Variants in EPHA6 observed in about 807,000 individuals in gnomAD.
The protein encoded by EPHA6 is ephrin type-A receptor 6.
EPHA6 carries 50 observed loss-of-function variants against 112.0 expected under a neutral mutation model. That is an observed-to-expected ratio of 0.45 (90% CI 0.36 to 0.56). The LOEUF (loss-of-function observed/expected upper bound fraction) is 0.56. EPHA6 is among the 20% of genes least tolerant of loss of function. EPHA6 has a pLI of 0.00. For missense variants in EPHA6, 1,280 were observed against 1,417.4 expected (o/e 0.90, Z 1.56); for synonymous variants, 529 against 490.7 (o/e 1.08, Z -1.03).
intron 3 of EPHA6, among the ~76,000 whole-genome samples, chr3:97,093,259 G>A (rs1052934878): frequency 2.3e-4 from 35 of 152,010 alleles, no homozygotes; most frequent in African/African-American, 7.7e-4. Flanking sequence ...GATTTAAAAG[G>A]GGAATAAAGC....
intron 14 of EPHA6, among the ~76,000 whole-genome samples, chr3:97,653,060 A>G (rs1397853769): frequency 7.2e-5 from 11 of 151,998 alleles, no homozygotes; most frequent in Non-Finnish European, 1.6e-4. Flanking sequence ...TGGGGCCCCA[A>G]TAATCATACA....
At chr3:97,147,979 C>A (rs2108367955) in intron 3 of EPHA6, among the ~76,000 whole-genome samples, 1 of 152,050 alleles carries the variant, frequency 6.6e-6, no homozygotes, top group Non-Finnish European at 1.5e-5. Context: ...ATATGGGAAA[C>A]TAGGTGAGGG....
intron 15 of EPHA6, among the ~76,000 whole-genome samples, chr3:97,726,413 G>A (rs992566964): frequency 2.0e-5 from 3 of 152,102 alleles, no homozygotes; most frequent in Non-Finnish European, 4.4e-5. Flanking sequence ...AAATAATGTG[G>A]ATTGACTCCC....
intron 5 of EPHA6, among the ~76,000 whole-genome samples, chr3:97,343,690 C>T (rs556547617): frequency 6.6e-6 from 1 of 151,952 alleles, no homozygotes; most frequent in Non-Finnish European, 1.5e-5. Context: ...GAAAGTGAGA[C>T]CAAATGAAGG....
intron 7 of EPHA6, among the ~76,000 whole-genome samples, chr3:97,449,665 A>G (rs938049881): frequency 6.6e-6 from 1 of 152,096 alleles, no homozygotes; most frequent in Admixed American, 6.6e-5. Flanking sequence ...AACCTAAAGG[A>G]GTTGAACAAT....
At chr3:97,217,335 A>T (rs1478967211) in intron 3 of EPHA6, among the ~76,000 whole-genome samples, 1 of 152,228 alleles carries the variant, frequency 6.6e-6, no homozygotes, top group East Asian at 1.9e-4. Flanking sequence ...AACAGATGGT[A>T]AAAAGTATGT....
At chr3:97,618,448 T>C (rs2093784643) in intron 13 of EPHA6, among the ~76,000 whole-genome samples, 1 of 151,348 alleles carries the variant, frequency 6.6e-6, no homozygotes, top group South Asian at 2.1e-4. Flanking sequence ...TACAGAGAAA[T>C]GAAAAACCAT....
chr3:97,038,788 T>C (rs946564511), intron 3 of EPHA6, among the ~76,000 whole-genome samples: 14 of 151,516 alleles, frequency 9.2e-5, no homozygotes, highest in African/African-American at 3.2e-4. Flanking sequence ...AGTGTGGAAA[T>C]TGTGAGTCGG....
chr3:97,729,600 A>G (rs1409432663), intron 15 of EPHA6, among the ~76,000 whole-genome samples: 1 of 152,118 alleles, frequency 6.6e-6, no homozygotes, highest in African/African-American at 2.4e-5. Flanking sequence ...TCGGAGCTAC[A>G]GTACAAGATG....
chr3:97,254,362 G>T (rs937212382), intron 5 of EPHA6, among the ~76,000 whole-genome samples: 1 of 151,990 alleles, frequency 6.6e-6, no homozygotes, highest in Non-Finnish European at 1.5e-5. Flanking sequence ...GTAATTTTTT[G>T]TATTTTTAAT....
intron 7 of EPHA6, among the ~76,000 whole-genome samples, chr3:97,473,325 T>A (rs1262698582): frequency 1.3e-5 from 2 of 150,206 alleles, no homozygotes; most frequent in Non-Finnish European, 3.0e-5. Flanking sequence ...AAGATTGTTA[T>A]CCAATTAAAA....
intron 3 of EPHA6, among the ~76,000 whole-genome samples, chr3:97,008,259 G>T (rs974099921): frequency 6.6e-6 from 1 of 152,058 alleles, no homozygotes; most frequent in Non-Finnish European, 1.5e-5. Context: ...CATAGGTTCG[G>T]TCTTTTTATG....
chr3:96,940,751 C>T (rs966095050), intron 2 of EPHA6, among the ~76,000 whole-genome samples: 5 of 152,062 alleles, frequency 3.3e-5, no homozygotes, highest in African/African-American at 9.7e-5. Context: ...TGTTCCTTTC[C>T]ATGTTTAGTG....
intron 5 of EPHA6, among the ~76,000 whole-genome samples, chr3:97,397,495 C>A (rs551191026): frequency 6.6e-6 from 1 of 151,622 alleles, no homozygotes; most frequent in Non-Finnish European, 1.5e-5. Context: ...ATATTGTTGG[C>A]CTCTGTGAAA....
At chr3:96,942,532 G>C (rs2041024715) in intron 2 of EPHA6, among the ~76,000 whole-genome samples, 1 of 152,216 alleles carries the variant, frequency 6.6e-6, no homozygotes, top group African/African-American at 2.4e-5. Flanking sequence ...TCTTTGACTA[G>C]GAAAGGGAAC....
chr3:97,657,244 C>T (rs1016178545), intron 14 of EPHA6, among the ~76,000 whole-genome samples: 1 of 151,696 alleles, frequency 6.6e-6, no homozygotes, highest in African/African-American at 2.4e-5. Context: ...AATTTTCAGG[C>T]TGTGTTTCTT....
chr3:97,556,810 C>G (rs373905323), intron 11 of EPHA6, among the ~76,000 whole-genome samples: 3 of 152,052 alleles, frequency 2.0e-5, no homozygotes, highest in Admixed American at 6.6e-5. Flanking sequence ...TCCTTTAAAA[C>G]AGTGGAAGTT....
intron 11 of EPHA6, among the ~76,000 whole-genome samples, chr3:97,565,233 G>GA (rs1291692210): frequency 0.012 from 1,829 of 151,916 alleles, 39 homozygotes; most frequent in African/African-American, 0.041. Flanking sequence ...TAAATCACAT[G>GA]CTATAAATAT....
At chr3:97,532,674 CA>C in intron 11 of EPHA6, 131 bp downstream of exon 11, 4 of 733,344 alleles carry the variant, frequency 5.5e-6, no homozygotes, top group Non-Finnish European at 8.5e-6. Flanking sequence ...ATCACCCCCT[CA>C]GAGACTTGAT....
Sources: allele counts gnomAD v4.1 joint callset (sites outside exome capture counted in the v4.1 genomes callset), GRCh38; gene constraint gnomAD v4.1.1; transcripts MANE v1.5; gene names NCBI Gene and HGNC (gene_info 2026-07-23, HGNC 2026-07-21).